The following MAD1L1 variants were observed in gnomAD, a reference collection of about 807,000 sequenced individuals.
MAD1L1 encodes the protein mitotic arrest deficient 1 like 1.
A neutral mutation model predicts 96.9 loss-of-function variants in MAD1L1; 95 were observed. The observed-to-expected ratio is 0.98, with a 90% CI of 0.83 to 1.16. The LOEUF (loss-of-function observed/expected upper bound fraction) is 1.16. Among genes scored for constraint, MAD1L1 ranks in the 50% most tolerant of loss-of-function variants. The probability of loss-of-function intolerance (pLI) is 0.00; values close to 1 mark genes in which losing one functional copy is unlikely to be tolerated. For synonymous variants in MAD1L1, 473 were observed against 396.6 expected, an observed-to-expected ratio of 1.19 and a Z score of -2.29; for missense variants, 1,007 against 954.4, an observed-to-expected ratio of 1.06 and a Z score of -0.73.
intron 17 of MAD1L1, among the ~76,000 whole-genome samples, chr7:1,926,334 A>T (rs1206214441): frequency 6.6e-6 from 1 of 152,210 alleles, no homozygotes; most frequent in African/African-American, 2.4e-5. Flanking sequence ...AGTAACACCA[A>T]TTCTATATAA....
At chr7:1,911,825 C>G (rs936894628) in intron 17 of MAD1L1, among the ~76,000 whole-genome samples, 1 of 152,274 alleles carries the variant, frequency 6.6e-6, no homozygotes, top group Non-Finnish European at 1.5e-5. Context: ...CTATCCCTCT[C>G]CCCTGGACTG....
At chr7:2,217,818 C>T in intron 7 of MAD1L1, 144 bp downstream of exon 7, 1 of 702,736 alleles carries the variant, frequency 1.4e-6, no homozygotes. Context: ...CCCTGGTGCC[C>T]AGCACAGTGC....
intron 15 of MAD1L1, among the ~76,000 whole-genome samples, chr7:1,964,768 T>A (rs1229459193): frequency 6.6e-6 from 1 of 152,230 alleles, no homozygotes; most frequent in Admixed American, 6.5e-5. Context: ...ATCTTGCTTA[T>A]AACAAACCCA....
chr7:2,005,744 T>C (rs1782003066), intron 13 of MAD1L1, among the ~76,000 whole-genome samples: 2 of 152,158 alleles, frequency 1.3e-5, no homozygotes, highest in South Asian at 4.2e-4. Flanking sequence ...GAGGCTGCAG[T>C]GAGCCATGAC....
intron 13 of MAD1L1, among the ~76,000 whole-genome samples, 175 bp downstream of exon 13, chr7:2,014,327 C>T (rs963555768): frequency 6.6e-6 from 1 of 152,160 alleles, no homozygotes; most frequent in Non-Finnish European, 1.5e-5. Flanking sequence ...TGAGAATTAA[C>T]GTGGATCCAC....
At chr7:1,826,517 G>T (rs992297219) in intron 18 of MAD1L1, among the ~76,000 whole-genome samples, 1 of 152,210 alleles carries the variant, frequency 6.6e-6, no homozygotes, top group Non-Finnish European at 1.5e-5. Flanking sequence ...CAGAGGTCCA[G>T]GTTTGACCCC....
intron 12 of MAD1L1, among the ~76,000 whole-genome samples, chr7:2,020,962 TA>T (rs1209350572): frequency 6.7e-6 from 1 of 150,058 alleles, no homozygotes; most frequent in Non-Finnish European, 1.5e-5. Flanking sequence ...AGTATAGGAA[TA>T]AAAATAAAGA....
chr7:1,887,286 T>C (rs1786103638), intron 18 of MAD1L1, among the ~76,000 whole-genome samples: 1 of 152,052 alleles, frequency 6.6e-6, no homozygotes, highest in Non-Finnish European at 1.5e-5. Context: ...TGTGTGTATG[T>C]GGCTGCCTGT....
chr7:1,834,332 T>A (rs1243048114), intron 18 of MAD1L1, among the ~76,000 whole-genome samples: 1 of 151,470 alleles, frequency 6.6e-6, no homozygotes, highest in Non-Finnish European at 1.5e-5. Flanking sequence ...GCAACAATGG[T>A]GAAAGAAAAC....
At chr7:1,874,669 C>A in intron 18 of MAD1L1, 1 of 387,180 alleles carries the variant, frequency 2.6e-6, no homozygotes, top group Admixed American at 3.1e-5. Flanking sequence ...AAGCAGCTCG[C>A]AGCACACCAC....
intron 16 of MAD1L1, among the ~76,000 whole-genome samples, chr7:1,946,992 C>T (rs1402888847): frequency 1.3e-5 from 2 of 152,216 alleles, no homozygotes; most frequent in Middle Eastern, 3.2e-3. Flanking sequence ...ATCTCTGTTC[C>T]CACTGTGAGT....
chr7:2,015,631 C>T (rs1019918357), intron 12 of MAD1L1, among the ~76,000 whole-genome samples: 9 of 152,250 alleles, frequency 5.9e-5, no homozygotes, highest in Non-Finnish European at 7.3e-5. Context: ...CCACAGCCCC[C>T]GGACCCTTCT....
intron 16 of MAD1L1, among the ~76,000 whole-genome samples, chr7:1,955,832 C>G (rs749414129): frequency 6.6e-6 from 1 of 152,272 alleles, no homozygotes; most frequent in East Asian, 1.9e-4. Flanking sequence ...CACTGCAATC[C>G]TCGTCAGCTC....
chr7:1,888,455 C>T (rs960597046), intron 18 of MAD1L1, among the ~76,000 whole-genome samples: 10 of 121,638 alleles, frequency 8.2e-5, no homozygotes, highest in Admixed American at 4.9e-4. Flanking sequence ...TGTGTGTGCA[C>T]GCATGTATGT....
intron 12 of MAD1L1, among the ~76,000 whole-genome samples, chr7:2,015,612 G>C (rs750442600): frequency 9.2e-5 from 14 of 152,248 alleles, no homozygotes; most frequent in Non-Finnish European, 1.6e-4. Flanking sequence ...CCCCAGGTGT[G>C]GGCCTGAACC....
chr7:1,840,148 C>A (rs549585365), intron 18 of MAD1L1, among the ~76,000 whole-genome samples: 1 of 152,340 alleles, frequency 6.6e-6, no homozygotes, highest in Non-Finnish European at 1.5e-5. Flanking sequence ...CTGACACTCT[C>A]TTTCCCCAAC....
intron 12 of MAD1L1, among the ~76,000 whole-genome samples, chr7:2,052,588 CGTTTAT>C (rs1562641185): frequency 6.6e-6 from 1 of 152,188 alleles, no homozygotes; most frequent in Non-Finnish European, 1.5e-5. Flanking sequence ...ACCCTACTTA[CGTTTAT>C]AAGTCCTTAT....
At chr7:2,109,892 C>A (rs1787289994) in intron 11 of MAD1L1, among the ~76,000 whole-genome samples, 1 of 152,246 alleles carries the variant, frequency 6.6e-6, no homozygotes, top group Admixed American at 6.5e-5. Context: ...TTTCTGAACA[C>A]ACACAAGAAG....
intron 11 of MAD1L1, among the ~76,000 whole-genome samples, chr7:2,084,949 A>G (rs11773669): frequency 0.013 from 2,038 of 152,290 alleles, 23 homozygotes; most frequent in Non-Finnish European, 0.024. Context: ...TTTCCTGAAC[A>G]TACATCGTCA....
Sources: allele counts gnomAD v4.1 joint callset (sites outside exome capture counted in the v4.1 genomes callset), GRCh38; gene constraint gnomAD v4.1.1; transcripts MANE v1.5; gene names NCBI Gene and HGNC (gene_info 2026-07-23, HGNC 2026-07-21).